SERPINB1: variants seen among roughly 807,000 people sequenced by gnomAD.
The protein encoded by SERPINB1 is leukocyte elastase inhibitor.
In SERPINB1, 23 loss-of-function variants were observed where a neutral mutation model predicts 25.9. The ratio of observed to expected loss-of-function variants is 0.89; its 90% CI spans 0.64 to 1.26. The LOEUF is 1.26. Among genes scored for constraint, SERPINB1 ranks in the 50% most tolerant of loss-of-function variants. The pLI is 0.00. For missense variants in SERPINB1, 399 were observed against 463.6 expected (o/e 0.86, Z 1.28); for synonymous variants, 178 against 178.7 (o/e 1.00, Z 0.03).
In SERPINB1 at chr6:2,840,396, C is replaced by T. The variant is rs574740227; in HGVS notation, c.168+23G>A. 1.1e-5 allele frequency: 17 copies of T among 1,613,230 alleles called. No homozygotes were observed. In the African/African-American group the frequency reaches 2.0e-4, roughly 19 times the overall value. ...CGTAGGGAGATGGGAGGAAAGCAGA[C>T]CCTTTTTTTTGTTTCTGCTGACCTT... is the stretch of plus-strand genomic sequence containing the variant. On this transcript the variant is annotated intron_variant, in intron 2 of 6. Transcript: ENST00000380739.
rs1045434986 is a variant in SERPINB1, at chr6:2,836,210, G to A, written c.465C>T (p.Asn155=). The A allele has an allele frequency of 1.2e-6, 2 of 1,612,700 alleles. No individual in the cohort carries two copies. Among genetic ancestry groups the A allele is most frequent in the African/African-American group, 2.7e-5 (2 of 74,886 alleles). The change falls in exon 5 of 7, where the codon AAC becomes AAT. Residue 155 remains asparagine, a synonymous_variant. Coordinates refer to ENST00000380739, the MANE Select transcript of SERPINB1 (RefSeq NM_030666.4). ...CATTTACTAGCACAAGTTTGGTCAT[G>A]TTATCAACCATGCCCGAAGCCAACA... is the stretch of plus-strand genomic sequence containing the variant. ...PELLASGMVD[N]MTKLVLVNAI...
chr6:2,836,236 G>C lies in SERPINB1; in HGVS notation c.439C>G (p.Leu147Val), dbSNP rs753467094. ...KGQTEGKIPE[L>V]LASGMVDNMT... ...TTATCAACCATGCCCGAAGCCAACAGTTCCGGAATTTTTCCTAAAAAAAAA... is the reference window on the plus strand; with the variant it reads ...TTATCAACCATGCCCGAAGCCAACACTTCCGGAATTTTTCCTAAAAAAAAA... The change falls in exon 5 of 7, where the codon CTG becomes GTG. Residue 147 changes from leucine (L) to valine (V), a missense_variant. Transcript: ENST00000380739. 3 of 1,583,496 alleles carry C rather than the reference G, an allele frequency of 1.9e-6. No homozygotes were observed. The highest frequency in any genetic ancestry group is 1.7e-4 in the Middle Eastern group (1 of 5,922).
chr6:2,840,995 T>C (rs892776121), intron 1 of SERPINB1, among the ~76,000 whole-genome samples: 1 of 152,168 alleles, frequency 6.6e-6, no homozygotes, highest in Non-Finnish European at 1.5e-5. Flanking sequence ...TTGATTCAAG[T>C]CTCTGATTCA....
In SERPINB1 at chr6:2,837,015, G is replaced by A. The variant is rs1313190402; in HGVS notation, c.425-765C>T. Among the ~76,000 whole-genome samples, 1 of 152,198 alleles carries A rather than the reference G, an allele frequency of 6.6e-6. No individual in the cohort carries two copies. Among genetic ancestry groups the A allele is most frequent in the East Asian group, 1.9e-4 (1 of 5,198 alleles). On this transcript the variant is annotated intron_variant, in intron 4 of 6. Transcript: ENST00000380739. This position sits in a 1 kb window ranked among gnomAD's most constrained non-coding sequence, Gnocchi z 4.3. The stretch of plus-strand genomic sequence containing the variant: ...ACTAATACAGGGCTATGTAAGAAGA[G>A]AGATGTAGCAAAGAAATAAATTGCA...
intron 3 of SERPINB1, among the ~76,000 whole-genome samples, 180 bp downstream of exon 3, chr6:2,838,369 T>A (rs558470064): frequency 6.6e-6 from 1 of 152,356 alleles, no homozygotes; most frequent in East Asian, 1.9e-4. Context: ...AAAATCACCA[T>A]GTCAATTAAA....
In SERPINB1 at chr6:2,838,561, G is replaced by T; in HGVS notation, c.294C>A (p.Tyr98Ter). 2 of 1,597,098 alleles carry T rather than the reference G, an allele frequency of 1.3e-6. No individual in the cohort carries two copies. Among genetic ancestry groups the T allele is most frequent in the Non-Finnish European group, 1.7e-6 (2 of 1,172,726 alleles). The change falls in exon 3 of 7, where the codon TAC becomes TAA. Residue 98 changes from tyrosine to a stop codon, truncating the protein, a stop_gained. Coordinates refer to ENST00000380739, the MANE Select transcript of SERPINB1 (RefSeq NM_030666.4). LOFTEE classifies it high-confidence loss of function. ...GCAAAGTACTTACAGGAAGGAAATT[G>T]TAAGTTTTCTCTCCATATAATCTAT... is the stretch of plus-strand genomic sequence containing the variant. ...LANRLYGEKTYNFLPEFLVST... is the reference protein window; with the variant it reads ...LANRLYGEKT
chr6:2,838,669 C>A lies in SERPINB1; in HGVS notation c.186G>T (p.Thr62=), dbSNP rs147138804. Residue 62 remains threonine (T), a synonymous_variant, in exon 3 of 7, where the codon ACG becomes ACT. Transcript: ENST00000380739. Reference sequence around the variant, plus strand: ...GGAATCTTGAATGAACCTCTTCAACCGTGTTGAAATGGAAAGTCTAAAATA... The same window carrying A: ...GGAATCTTGAATGAACCTCTTCAACAGTGTTGAAATGGAAAGTCTAAAATA... ...AQLSKTFHFN[T]VEEVHSRFQS... 19 of 1,585,548 alleles carry A rather than the reference C, an allele frequency of 1.2e-5. No individual in the cohort carries two copies. Among genetic ancestry groups the A allele is most frequent in the Non-Finnish European group, 1.5e-5 (17 of 1,167,442 alleles).
chr6:2,839,808 C>G (rs1397562241), intron 2 of SERPINB1, among the ~76,000 whole-genome samples: 1 of 145,430 alleles, frequency 6.9e-6, no homozygotes. Context: ...GTCACATCGC[C>G]AAGGGCTGGG....
rs1280995515 is a variant in SERPINB1 at position 2,837,422 on chromosome 6, G to C, written c.424+460C>G. ...GCCTCCAGAGTAGCTGGGATTACAGGTGTGTGCTACCACACCTGGCTAAAT... is the reference window on the plus strand; with the variant it reads ...GCCTCCAGAGTAGCTGGGATTACAGCTGTGTGCTACCACACCTGGCTAAAT... On this transcript the variant is annotated intron_variant, in intron 4 of 6. Transcript: ENST00000380739. This position sits in a 1 kb window ranked among gnomAD's most constrained non-coding sequence, Gnocchi z 4.3. Among the ~76,000 whole-genome samples, 1 of 152,040 alleles carries C rather than the reference G, an allele frequency of 6.6e-6. No individual in the cohort carries two copies. Among genetic ancestry groups the C allele is most frequent in the African/African-American group, 2.4e-5 (1 of 41,380 alleles).
intron 1 of SERPINB1, 132 bp from the exon 2 acceptor site, chr6:2,840,726 G>T: frequency 1.2e-6 from 1 of 802,764 alleles, no homozygotes; most frequent in Non-Finnish European, 1.9e-6. Flanking sequence ...CTTTCTCCCC[G>T]CTTTTTTATT....
rs1452235196 is a variant in SERPINB1 at position 2,833,992 on chromosome 6, C to T, written c.756G>A (p.Leu252=). The T allele has an allele frequency of 1.2e-6, 2 of 1,600,280 alleles. No homozygotes were observed. The highest frequency in any genetic ancestry group is 2.2e-5 in the East Asian group (1 of 44,638). ...GLKKIEEQLT[L]EKLHEWTKPE... is the part of the protein sequence containing the mutation. ...GTTTAGTCCACTCATGCAACTTTTC[C>T]AAAGTCAACTGTTCCTCAATCTGCA... The change falls in exon 7 of 7, where the codon TTG becomes TTA. Residue 252 remains leucine (L), a synonymous_variant. Transcript: ENST00000380739.
chr6:2,834,545 C>T lies in SERPINB1; in HGVS notation c.736-533G>A, dbSNP rs530152371. ...TCCACCCATTTACTCATCCACCCAT[C>T]CACCCATCCATCTACCCATTCATCC... On this transcript the variant is annotated intron_variant, in intron 6 of 6. Transcript: ENST00000380739. Among the ~76,000 whole-genome samples the T allele has an allele frequency of 5.9e-5, 9 of 152,328 alleles. No individual in the cohort carries two copies. The South Asian group carries it at 1.9e-3, about 32-fold the overall frequency.
At position 2,833,547 on chromosome 6, in the gene SERPINB1, A is replaced by T. The variant is rs1766400086; in HGVS notation, c.*61T>A. 13 of 1,436,292 alleles carry T rather than the reference A, an allele frequency of 9.1e-6. No individual in the cohort carries two copies. Among genetic ancestry groups the T allele is most frequent in the African/African-American group, 1.4e-5 (1 of 69,956 alleles). 89.0% of individuals were successfully genotyped at this position (1,436,292 alleles called of 1,614,324 possible). A position where few individuals can be genotyped will look rare whatever the true frequency, so the allele number is the denominator to read the frequency against. On this transcript the variant is annotated 3_prime_UTR_variant, in exon 7 of 7. Transcript: ENST00000380739. ...TAAAGATATAAGACATATTGGCTCT[A>T]TTAAAAACTCAGGTAATAAAGCACT...
intron 6 of SERPINB1, among the ~76,000 whole-genome samples, chr6:2,834,819 A>C (rs1374865560): frequency 1.3e-5 from 2 of 152,214 alleles, no homozygotes; most frequent in African/African-American, 4.8e-5. Flanking sequence ...CATTACTTAT[A>C]TCTACCTTAT....
At chr6:2,836,850 G>A (rs188588739) in intron 4 of SERPINB1, among the ~76,000 whole-genome samples, 5 of 152,118 alleles carry the variant, frequency 3.3e-5, no homozygotes, top group African/African-American at 9.6e-5. Flanking sequence ...GCAAGACTCT[G>A]TCTCTTAAAA....
rs1766488424 is a variant in SERPINB1 at position 2,836,163 on chromosome 6, C to T, written c.512G>A (p.Trp171Ter). Reference sequence around the variant, plus strand: ...GGCTTCTTTCATGAATTTATCCTTCCAGTTTCCCTTGAAATAGATGGCATT... The same window carrying T: ...GGCTTCTTTCATGAATTTATCCTTCTAGTTTCCCTTGAAATAGATGGCATT... Reference protein sequence around the residue: ...LVNAIYFKGNWKDKFMKEATT... With the variant: ...LVNAIYFKGN Residue 171 changes from tryptophan (W) to a stop codon, truncating the protein, a stop_gained, in exon 5 of 7, where the codon TGG becomes TAG. Coordinates refer to ENST00000380739, the MANE Select transcript of SERPINB1 (RefSeq NM_030666.4). LOFTEE classifies it high-confidence loss of function. 1.9e-6 allele frequency: 3 copies of T among 1,613,858 alleles called. No homozygotes were observed. The highest frequency in any genetic ancestry group is 2.5e-6 in the Non-Finnish European group (3 of 1,180,020).
intron 6 of SERPINB1, 80 bp downstream of exon 6, chr6:2,835,776 G>A: frequency 6.8e-7 from 1 of 1,462,734 alleles, no homozygotes; most frequent in Non-Finnish European, 9.3e-7. Flanking sequence ...CACCATCAGT[G>A]AACACTTAAC....
chr6:2,840,358 C>T (rs190891865), intron 2 of SERPINB1, 61 bp downstream of exon 2: 3 of 1,588,764 alleles, frequency 1.9e-6, no homozygotes, highest in Non-Finnish European at 2.6e-6. Context: ...CCTTTCCATG[C>T]AGACTGTCCA....
At position 2,833,503 on chromosome 6, in the gene SERPINB1, T is replaced by C; in HGVS notation, c.*105A>G. On this transcript the variant is annotated 3_prime_UTR_variant, in exon 7 of 7. Transcript: ENST00000380739. Reference sequence around the variant, plus strand: ...ACAAAGAAAATGAAAGACTTGTTTCTGAACAGTGGTTTTATTGGTAAAGAT... The same window carrying C: ...ACAAAGAAAATGAAAGACTTGTTTCCGAACAGTGGTTTTATTGGTAAAGAT... The C allele has an allele frequency of 9.1e-7, 1 of 1,101,208 alleles. No homozygotes were observed. The highest frequency in any genetic ancestry group is 2.6e-5 in the East Asian group (1 of 38,004). The allele number at this position is 1,101,208 out of a possible 1,614,324, so 68.2% of individuals were successfully genotyped here.
Sources: gnomAD v4.1 joint callset for allele counts (sites outside exome capture counted in the v4.1 genomes callset) on GRCh38, gnomAD v4.1.1 for gene constraint, Gnocchi (gnomAD v3.1) non-coding constraint, MANE v1.5 for transcripts, NCBI Gene and HGNC (gene_info 2026-07-23, HGNC 2026-07-21) for gene names.